The following CTNND2 variants were observed in gnomAD, a reference collection of about 807,000 sequenced individuals.
CTNND2 encodes catenin delta 2.
In CTNND2, 22 loss-of-function variants were observed where a neutral mutation model predicts 144.4. The ratio of observed to expected loss-of-function variants is 0.15; its 90% CI spans 0.11 to 0.22. The LOEUF is 0.22. CTNND2 is among the 10% of genes least tolerant of loss of function. The pLI is 1.00. For missense variants in CTNND2, 1,353 were observed against 1,618.8 expected (o/e 0.84, Z 2.82); for synonymous variants, 751 against 695.6 (o/e 1.08, Z -1.25).
At chr5:11,366,353 G>C (rs1380726924) in intron 7 of CTNND2, among the ~76,000 whole-genome samples, 1 of 152,132 alleles carries the variant, frequency 6.6e-6, no homozygotes, top group East Asian at 1.9e-4. Flanking sequence ...GAAGTGGTGA[G>C]AATTCTATGA....
At chr5:11,261,090 G>A (rs533607072) in intron 9 of CTNND2, among the ~76,000 whole-genome samples, 11 of 152,178 alleles carry the variant, frequency 7.2e-5, no homozygotes, top group African/African-American at 1.4e-4. Context: ...ACAGTCACGC[G>A]AATGCTTGTG....
At chr5:11,564,375 A>T (rs1776911648) in intron 3 of CTNND2, among the ~76,000 whole-genome samples, 1 of 152,220 alleles carries the variant, frequency 6.6e-6, no homozygotes, top group South Asian at 2.1e-4. Flanking sequence ...TTTTGTGGTC[A>T]AGTGGCTAAA....
At chr5:11,718,512 C>T (rs34663602) in intron 2 of CTNND2, among the ~76,000 whole-genome samples, 25,628 of 151,992 alleles carry the variant, frequency 0.17, 2,332 homozygotes, top group East Asian at 0.29. Flanking sequence ...TGATATCAGA[C>T]ATTGGCAGGT....
intron 1 of CTNND2, among the ~76,000 whole-genome samples, chr5:11,900,270 T>C (rs1737753739): frequency 2.6e-5 from 4 of 152,196 alleles, no homozygotes; most frequent in African/African-American, 7.2e-5. Flanking sequence ...TACAAATCAA[T>C]TAACCATGAT....
At chr5:11,874,259 A>G (rs1404393801) in intron 1 of CTNND2, among the ~76,000 whole-genome samples, 1 of 152,194 alleles carries the variant, frequency 6.6e-6, no homozygotes, top group Non-Finnish European at 1.5e-5. Context: ...CAGTAATATC[A>G]AATATCATTG....
intron 14 of CTNND2, among the ~76,000 whole-genome samples, chr5:11,105,655 A>C (rs529216916): frequency 6.6e-6 from 1 of 152,360 alleles, no homozygotes; most frequent in East Asian, 1.9e-4. Context: ...CTGAAACTAA[A>C]ATAGCAGCAC....
chr5:11,083,814 T>TC, intron 15 of CTNND2: 2 of 775,350 alleles, frequency 2.6e-6, no homozygotes, highest in East Asian at 1.2e-4. Flanking sequence ...TCCCACCCAG[T>TC]CCCCCCACCA....
chr5:11,572,018 A>C (rs748516645), intron 2 of CTNND2, among the ~76,000 whole-genome samples: 7 of 152,164 alleles, frequency 4.6e-5, no homozygotes, highest in Non-Finnish European at 1.0e-4. Flanking sequence ...AACCCCTTTT[A>C]AAAGTCTTAC....
intron 9 of CTNND2, among the ~76,000 whole-genome samples, chr5:11,344,354 A>G (rs938904629): frequency 6.6e-5 from 10 of 151,962 alleles, no homozygotes; most frequent in Non-Finnish European, 1.5e-4. Context: ...ATCGCGCCAC[A>G]GCACTCCAGC....
Position 11,903,697 on chromosome 5 carries a change from C to T in CTNND2, c.37+120G>A. On this transcript the variant is annotated intron_variant, in intron 1 of 21. Transcript: ENST00000304623. The surrounding 1 kb of genome is among the most constrained non-coding windows in gnomAD (Gnocchi z 5.4). ...CCCGAGGCAGGCAGAAACCCCGCAG[C>T]AGCCGCCGCCGCCGCCTGCCGGCCG... The T allele has an allele frequency of 1.9e-6, 2 of 1,081,006 alleles. No homozygotes were observed. Among genetic ancestry groups the T allele is most frequent in the Non-Finnish European group, 2.5e-6 (2 of 812,452 alleles). 67.0% of individuals were successfully genotyped at this position (1,081,006 alleles called of 1,614,324 possible).
At chr5:11,288,194 T>C (rs944147524) in intron 9 of CTNND2, among the ~76,000 whole-genome samples, 2 of 152,294 alleles carry the variant, frequency 1.3e-5, no homozygotes, top group Admixed American at 1.3e-4. Flanking sequence ...CTGCTATATA[T>C]TTAAAGTCCT....
At chr5:11,381,984 A>AAAC (rs1179143248) in intron 7 of CTNND2, among the ~76,000 whole-genome samples, 1 of 150,178 alleles carries the variant, frequency 6.7e-6, no homozygotes, top group Non-Finnish European at 1.5e-5. Flanking sequence ...CAAAAAAACA[A>AAAC]AACAAAACAA....
chr5:11,383,857 G>A (rs1255915951), intron 7 of CTNND2, among the ~76,000 whole-genome samples: 2 of 152,202 alleles, frequency 1.3e-5, no homozygotes, highest in East Asian at 1.9e-4. Flanking sequence ...TCTTGTTTAA[G>A]CTGAGCATAT....
intron 9 of CTNND2, among the ~76,000 whole-genome samples, chr5:11,327,735 T>C (rs1453085132): frequency 1.3e-5 from 2 of 152,156 alleles, no homozygotes; most frequent in South Asian, 2.1e-4. Context: ...ATGTTTCTGA[T>C]GATAAAATTG....
At chr5:11,534,520 G>A (rs141888138) in intron 3 of CTNND2, among the ~76,000 whole-genome samples, 23 of 151,918 alleles carry the variant, frequency 1.5e-4, no homozygotes, top group Admixed American at 3.3e-4. Context: ...CAGGAGAATC[G>A]CTTGAACCCG....
At chr5:11,574,240 A>G (rs535139456) in intron 2 of CTNND2, among the ~76,000 whole-genome samples, 1 of 152,242 alleles carries the variant, frequency 6.6e-6, no homozygotes, top group South Asian at 2.1e-4. Context: ...ATGTTAAGCA[A>G]TTACTTATCA....
chr5:11,377,561 G>C, intron 7 of CTNND2, among the ~76,000 whole-genome samples: 1 of 152,090 alleles, frequency 6.6e-6, no homozygotes, highest in South Asian at 2.1e-4. Flanking sequence ...TATTAGAAGA[G>C]CTTTCACAGA....
intron 14 of CTNND2, among the ~76,000 whole-genome samples, chr5:11,101,894 T>TGG (rs1304782102): frequency 7.2e-6 from 1 of 138,094 alleles, no homozygotes; most frequent in Non-Finnish European, 1.6e-5. Flanking sequence ...CATATGTGTG[T>TGG]GTGTGTGTGT....
chr5:11,577,764 C>T (rs115775384), intron 2 of CTNND2, among the ~76,000 whole-genome samples: 3 of 152,264 alleles, frequency 2.0e-5, no homozygotes, highest in African/African-American at 7.2e-5. Flanking sequence ...TTTGATGCAA[C>T]ATCTCATCTA....
Sources: allele counts gnomAD v4.1 joint callset (sites outside exome capture counted in the v4.1 genomes callset), GRCh38; gene constraint gnomAD v4.1.1; non-coding constraint Gnocchi (gnomAD v3.1); transcripts MANE v1.5; gene names NCBI Gene and HGNC (gene_info 2026-07-23, HGNC 2026-07-21).